The following PTPRD variants were observed in gnomAD, a reference collection of about 807,000 sequenced individuals.
PTPRD encodes receptor-type tyrosine-protein phosphatase delta.
PTPRD carries 34 observed loss-of-function variants against 214.5 expected under a neutral mutation model. That is an observed-to-expected ratio of 0.16 (90% confidence interval 0.12 to 0.21). PTPRD has a LOEUF of 0.21. PTPRD is among the 10% of genes least tolerant of loss of function. The pLI is 1.00. For missense variants in PTPRD, 2,545 were observed against 2,398.7 expected (o/e 1.06, Z -1.27); for synonymous variants, 1,128 against 845.7 (o/e 1.33, Z -5.79).
At position 8,500,840 on chromosome 9, in the gene PTPRD, G is replaced by A. The variant is rs780212583; in HGVS notation, c.2042C>T (p.Thr681Ile). 5 of 1,614,148 alleles carry A rather than the reference G, an allele frequency of 3.1e-6. No individual in the cohort carries two copies. The Admixed American group carries it at 8.3e-5, about 27-fold the overall frequency. ...KYLLEQLEKW[T>I]EYRITVTAHT... ...GGCTGTCACAGTGATCCGGTATTCA[G>A]TCCATTTTTCCAGCTGTTCCAAAAG... is the stretch of plus-strand genomic sequence containing the variant. The change falls in exon 24 of 46, where the codon ACT (threonine) becomes ATT (isoleucine). Residue 681 changes from threonine (T) to isoleucine (I), a missense_variant. Physicochemically the swap from Thr to Ile is moderately conservative, Grantham distance 89. Transcript: ENST00000381196.
chr9:8,851,882 T>C (rs1406902471), intron 11 of PTPRD, among the ~76,000 whole-genome samples: 5 of 152,116 alleles, frequency 3.3e-5, no homozygotes, highest in African/African-American at 9.7e-5. Flanking sequence ...CTTTTCACTG[T>C]AGCCTAAAAA....
In PTPRD at chr9:10,064,607, T is replaced by C. The variant is rs76685201; in HGVS notation, c.-544-30817A>G. Among the ~76,000 whole-genome samples the C allele has an allele frequency of 9.5e-3, 1,447 of 151,982 alleles. 18 individuals are homozygous for C. Among genetic ancestry groups the C allele is most frequent in the African/African-American group, 0.031 (1,291 of 41,508 alleles). ...AAGAAGCTCAGAGTATGTTTGGTCT[T>C]ATTATTTCCCAAACATCCTCCCTCT... On this transcript the variant is annotated intron_variant, in intron 3 of 45. Coordinates refer to ENST00000381196, the MANE Select transcript of PTPRD (RefSeq NM_002839.4).
intron 7 of PTPRD, among the ~76,000 whole-genome samples, chr9:9,721,357 A>G (rs1415375855): frequency 1.3e-5 from 2 of 152,166 alleles, no homozygotes; most frequent in African/African-American, 4.8e-5. Context: ...ACAAAAGAGT[A>G]TAAGGACTAT....
At chr9:9,542,197 T>A (rs752883212) in intron 8 of PTPRD, among the ~76,000 whole-genome samples, 2 of 151,778 alleles carry the variant, frequency 1.3e-5, no homozygotes, top group Non-Finnish European at 2.9e-5. Flanking sequence ...CAACAAACCC[T>A]GGAGACAGTA....
chr9:9,344,742 G>A (rs1569567551), intron 9 of PTPRD, among the ~76,000 whole-genome samples: 1 of 151,744 alleles, frequency 6.6e-6, no homozygotes, highest in Non-Finnish European at 1.5e-5. Flanking sequence ...CAAGTTACCT[G>A]AATATATTTA....
chr9:9,764,007 T>C (rs1028281158), intron 6 of PTPRD, among the ~76,000 whole-genome samples: 1 of 152,114 alleles, frequency 6.6e-6, no homozygotes, highest in African/African-American at 2.4e-5. Flanking sequence ...AAATTTATTT[T>C]ATATTTGCAC....
At chr9:9,143,148 C>T (rs1485451349) in intron 10 of PTPRD, among the ~76,000 whole-genome samples, 1 of 152,166 alleles carries the variant, frequency 6.6e-6, no homozygotes, top group African/African-American at 2.4e-5. Context: ...CTAAATTCTC[C>T]CCAAATTCCT....
chr9:10,408,779 T>C (rs1005781975), intron 2 of PTPRD, among the ~76,000 whole-genome samples: 2 of 151,708 alleles, frequency 1.3e-5, no homozygotes, highest in African/African-American at 4.8e-5. Context: ...AAGACTCAGT[T>C]GACCTTTCCA....
chr9:9,818,186 A>G (rs1299028830), intron 5 of PTPRD, among the ~76,000 whole-genome samples: 3 of 152,184 alleles, frequency 2.0e-5, no homozygotes, highest in Admixed American at 6.5e-5. Context: ...CACACCAACA[A>G]GAAGTGTCAG....
chr9:10,017,797 G>T (rs569638332), intron 4 of PTPRD, among the ~76,000 whole-genome samples: 3 of 152,080 alleles, frequency 2.0e-5, no homozygotes, highest in South Asian at 4.2e-4. Flanking sequence ...ATATTTGGGA[G>T]AATTAATTTT....
intron 3 of PTPRD, among the ~76,000 whole-genome samples, chr9:10,205,936 G>A (rs948213429): frequency 6.6e-6 from 1 of 151,550 alleles, no homozygotes; most frequent in African/African-American, 2.4e-5. Context: ...CACTGGGAAA[G>A]CAAAGACGAA....
chr9:9,636,797 G>A (rs902404801), intron 7 of PTPRD, among the ~76,000 whole-genome samples: 3 of 152,156 alleles, frequency 2.0e-5, no homozygotes, highest in African/African-American at 4.8e-5. Context: ...TGCTATAACA[G>A]AATATCAAAT....
intron 2 of PTPRD, among the ~76,000 whole-genome samples, chr9:10,421,263 C>T (rs918922965): frequency 2.6e-5 from 4 of 151,756 alleles, no homozygotes; most frequent in Non-Finnish European, 5.9e-5. Context: ...CCACTTAGAC[C>T]TCATACTTAC....
At chr9:9,135,056 T>C (rs1195935328) in intron 10 of PTPRD, among the ~76,000 whole-genome samples, 5 of 152,224 alleles carry the variant, frequency 3.3e-5, no homozygotes, top group Non-Finnish European at 5.9e-5. Context: ...TTCATTAATT[T>C]GAGATCACAT....
chr9:9,063,673 A>C (rs1052844803), intron 10 of PTPRD, among the ~76,000 whole-genome samples: 1 of 152,214 alleles, frequency 6.6e-6, no homozygotes, highest in Non-Finnish European at 1.5e-5. Context: ...AACCAAATGC[A>C]TATCAAAACC....
intron 2 of PTPRD, among the ~76,000 whole-genome samples, chr9:10,571,459 G>T (rs933454365): frequency 6.6e-6 from 1 of 152,060 alleles, no homozygotes; most frequent in Non-Finnish European, 1.5e-5. Flanking sequence ...TGGTTTCCAT[G>T]ATATAGTAAA....
chr9:9,659,810 C>T (rs899516775), intron 7 of PTPRD, among the ~76,000 whole-genome samples: 9 of 151,952 alleles, frequency 5.9e-5, no homozygotes, highest in South Asian at 2.1e-4. Context: ...AAAATTGGGA[C>T]GTTCCCAATA....
At chr9:8,977,214 T>A (rs1298588645) in intron 11 of PTPRD, among the ~76,000 whole-genome samples, 1 of 152,126 alleles carries the variant, frequency 6.6e-6, no homozygotes, top group Non-Finnish European at 1.5e-5. Flanking sequence ...TTTAACTGAC[T>A]AATTTACCGT....
intron 5 of PTPRD, among the ~76,000 whole-genome samples, chr9:9,833,680 GAGA>G (rs770190845): frequency 0.076 from 10,708 of 141,500 alleles, 1,458 homozygotes; most frequent in African/African-American, 0.26. Flanking sequence ...GTACGCTCCG[GAGA>G]GGGGGGCAGT....
Sources: gnomAD v4.1 joint callset for allele counts (sites outside exome capture counted in the v4.1 genomes callset) on GRCh38, gnomAD v4.1.1 for gene constraint, MANE v1.5 for transcripts, NCBI Gene and HGNC (gene_info 2026-07-23, HGNC 2026-07-21) for gene names.